TLN2: variants seen among roughly 807,000 people sequenced by gnomAD.
TLN2 encodes the protein talin-2.
A neutral mutation model predicts 294.7 loss-of-function variants in TLN2; 118 were observed. That is an observed-to-expected ratio of 0.40 (90% CI 0.34 to 0.47). The LOEUF (loss-of-function observed/expected upper bound fraction) is 0.47, where lower values mean the gene tolerates loss of function less well. Among genes scored for constraint, TLN2 ranks in the 20% least tolerant of loss-of-function variants. The pLI is 0.84. For missense variants in TLN2, 3,083 were observed against 3,282.2 expected, an observed-to-expected ratio of 0.94 and a Z score of 1.48; for synonymous variants, 1,431 against 1,304.5, an observed-to-expected ratio of 1.10 and a Z score of -2.09.
chr15:62,806,642 A>C (rs1218920809), intron 51 of TLN2, among the ~76,000 whole-genome samples: 1 of 152,168 alleles, frequency 6.6e-6, no homozygotes, highest in Non-Finnish European at 1.5e-5. Flanking sequence ...GTGCTTGGTG[A>C]GGGAGCTGTG....
rs528823946 is a variant in TLN2 at position 62,451,305 on chromosome 15, G to A, written c.-238+60620G>A. ...GTGAGGGGCTAGTTGTGGCAGTCTC[G>A]CCAGGTCAGGGTTGGGTGGGCAAGT... On this transcript the variant is annotated intron_variant, in intron 1 of 58. Coordinates refer to ENST00000636159, the MANE Select transcript of TLN2 (RefSeq NM_015059.3). 3.3e-5 allele frequency among the ~76,000 whole-genome samples: 5 copies of A among 152,142 alleles called. No homozygotes were observed. The South Asian group carries it at 6.2e-4, about 19-fold the overall frequency.
intron 32 of TLN2, among the ~76,000 whole-genome samples, chr15:62,741,480 G>C (rs533245566): frequency 6.6e-6 from 1 of 152,254 alleles, no homozygotes; most frequent in East Asian, 1.9e-4. Flanking sequence ...AGCCCAGGGG[G>C]TTCTCGTATC....
In TLN2 at chr15:62,766,283, C is replaced by G. The variant is rs756594332; in HGVS notation, c.5095-38C>G. 5.1e-6 allele frequency: 8 copies of G among 1,566,902 alleles called. No homozygotes were observed. In the African/African-American group the frequency reaches 9.5e-5, roughly 19 times the overall value. ...TGAATCAGTGCAGCTCTGTGGGGAG[C>G]TGTTATGGGATGAACTTGACACTTC... On this transcript the variant is annotated intron_variant, in intron 40 of 58. Coordinates refer to ENST00000636159, the MANE Select transcript of TLN2 (RefSeq NM_015059.3).
At chr15:62,627,889 G>T (rs2049424638) in intron 3 of TLN2, among the ~76,000 whole-genome samples, 1 of 151,930 alleles carries the variant, frequency 6.6e-6, no homozygotes, top group Non-Finnish European at 1.5e-5. Flanking sequence ...CTCATGTTCT[G>T]TTTCCTTTGC....
At chr15:62,775,066 C>G (rs2063614059) in intron 42 of TLN2, among the ~76,000 whole-genome samples, 1 of 149,416 alleles carries the variant, frequency 6.7e-6, no homozygotes, top group Non-Finnish European at 1.5e-5. Context: ...ACGCCATTCT[C>G]CTGCCTCAGC....
intron 1 of TLN2, among the ~76,000 whole-genome samples, chr15:62,434,001 CA>C (rs1256029065): frequency 6.6e-6 from 1 of 150,764 alleles, no homozygotes; most frequent in African/African-American, 2.4e-5. Flanking sequence ...CGCCCCCGCC[CA>C]AAAAAAAGAT....
intron 54 of TLN2, among the ~76,000 whole-genome samples, chr15:62,826,660 A>G (rs2068227657): frequency 6.6e-6 from 1 of 152,172 alleles, no homozygotes; most frequent in Admixed American, 6.5e-5. Flanking sequence ...GCCTCCCTCA[A>G]GGCACCTCTC....
chr15:62,598,089 G>A (rs942025323), intron 2 of TLN2, among the ~76,000 whole-genome samples: 1 of 152,170 alleles, frequency 6.6e-6, no homozygotes, highest in African/African-American at 2.4e-5. Context: ...ATTTATTGAG[G>A]ACTTGATGTC....
chr15:62,576,638 G>GA (rs1221020944), intron 1 of TLN2, among the ~76,000 whole-genome samples: 18 of 144,634 alleles, frequency 1.2e-4, no homozygotes, highest in African/African-American at 3.8e-4. Flanking sequence ...GACTGGAGGG[G>GA]AAAAAAAGAT....
chr15:62,522,624 A>G (rs1214736362), intron 1 of TLN2, among the ~76,000 whole-genome samples: 3 of 152,088 alleles, frequency 2.0e-5, no homozygotes, highest in African/African-American at 4.8e-5. Context: ...TTGTTTTTTT[A>G]AAAAGCAAAT....
At chr15:62,625,578 C>T (rs1386576887) in intron 3 of TLN2, among the ~76,000 whole-genome samples, 1 of 152,136 alleles carries the variant, frequency 6.6e-6, no homozygotes, top group Non-Finnish European at 1.5e-5. Context: ...AGGAAGCCAG[C>T]AGCAGCTGGG....
In TLN2 at chr15:62,584,739, C is replaced by G. The variant is rs112762445; in HGVS notation, c.-237-4948C>G. Among the ~76,000 whole-genome samples, 666 of 152,290 alleles carry G rather than the reference C, an allele frequency of 4.4e-3. 3 individuals are homozygous for G. The highest frequency in any genetic ancestry group is 0.015 in the African/African-American group (637 of 41,544). ...GGACATTTTGTTTTCAAAATTGTTCCTCGGCTTCTCCCATGTCTGTGTACG... is the reference window on the plus strand; with the variant it reads ...GGACATTTTGTTTTCAAAATTGTTCGTCGGCTTCTCCCATGTCTGTGTACG... On this transcript the variant is annotated intron_variant, in intron 1 of 58. Coordinates refer to ENST00000636159, the MANE Select transcript of TLN2 (RefSeq NM_015059.3).
chr15:62,547,612 C>G (rs766796994), intron 1 of TLN2, among the ~76,000 whole-genome samples: 3 of 152,164 alleles, frequency 2.0e-5, no homozygotes, highest in African/African-American at 4.8e-5. Context: ...ACCTATTGTT[C>G]GGTGGATGCC....
chr15:62,742,758 GAACTGTT>G (rs1421323310), intron 32 of TLN2, among the ~76,000 whole-genome samples: 2 of 152,158 alleles, frequency 1.3e-5, no homozygotes, highest in Non-Finnish European at 2.9e-5. Flanking sequence ...TCTTGGGATG[GAACTGTT>G]GCGAGAAAAC....
chr15:62,504,011 T>C (rs2039448153), intron 1 of TLN2, among the ~76,000 whole-genome samples: 1 of 152,202 alleles, frequency 6.6e-6, no homozygotes, highest in Non-Finnish European at 1.5e-5. Context: ...TTGAGCCTTT[T>C]AAAAAAATCA....
rs570300906 is a variant in TLN2, at chr15:62,529,271, T to A, written c.-237-60416T>A. ...ACCATGCCCAGCTAATTAAAAAAAATTTTTTTTGTAGAGACCGGGTCTGTG... is the reference window on the plus strand; with the variant it reads ...ACCATGCCCAGCTAATTAAAAAAAAATTTTTTTGTAGAGACCGGGTCTGTG... On this transcript the variant is annotated intron_variant, in intron 1 of 58. Transcript: ENST00000636159. 3.4e-4 allele frequency among the ~76,000 whole-genome samples: 52 copies of A among 151,952 alleles called. 1 individual carries two copies. The South Asian group carries it at 5.2e-3, about 15-fold the overall frequency.
chr15:62,760,009 C>T lies in TLN2; in HGVS notation c.4639-1672C>T, dbSNP rs79255410. Among the ~76,000 whole-genome samples, 374 of 152,346 alleles carry T rather than the reference C, an allele frequency of 2.5e-3. 2 individuals carry two copies. Among genetic ancestry groups the T allele is most frequent in the African/African-American group, 8.5e-3 (352 of 41,582 alleles). On this transcript the variant is annotated intron_variant, in intron 37 of 58. Coordinates refer to ENST00000636159, the MANE Select transcript of TLN2 (RefSeq NM_015059.3). The stretch of plus-strand genomic sequence containing the variant: ...ACAGTACCAAAGTGGTTCACTTCTA[C>T]GTGGCCAGTGCCGGCAGCATAAATC...
At chr15:62,799,067 T>G (rs2065736819) in intron 48 of TLN2, among the ~76,000 whole-genome samples, 1 of 152,090 alleles carries the variant, frequency 6.6e-6, no homozygotes, top group Non-Finnish European at 1.5e-5. Flanking sequence ...TCAAAGCAAT[T>G]TAATGAGGTA....
chr15:62,439,535 G>A (rs1329180434), intron 1 of TLN2, among the ~76,000 whole-genome samples: 1 of 152,118 alleles, frequency 6.6e-6, no homozygotes, highest in Non-Finnish European at 1.5e-5. Context: ...CTGGTCTCGA[G>A]CTCCTGACCT....
Sources: allele counts gnomAD v4.1 joint callset (sites outside exome capture counted in the v4.1 genomes callset), GRCh38; gene constraint gnomAD v4.1.1; transcripts MANE v1.5; gene names NCBI Gene and HGNC (gene_info 2026-07-23, HGNC 2026-07-21).